SCAPER: variants seen among roughly 807,000 people sequenced by gnomAD.
SCAPER encodes the protein S-phase cyclin A associated protein in the ER.
In SCAPER, 98 loss-of-function variants were observed where a neutral mutation model predicts 182.2. The observed-to-expected ratio is 0.54, with a 90% CI of 0.46 to 0.64. The LOEUF is 0.64. SCAPER is among the 30% of genes least tolerant of loss of function. The pLI is 0.00. For missense variants in SCAPER, 1,432 were observed against 1,690.0 expected (o/e 0.85, Z 2.68); for synonymous variants, 605 against 564.6 (o/e 1.07, Z -1.01).
chr15:76,574,173 T>C lies in SCAPER; in HGVS notation c.2823A>G (p.Arg941=), dbSNP rs778893557. Residue 941 remains arginine (R), a synonymous_variant, in exon 23 of 32, where the codon AGA becomes AGG. Coordinates refer to ENST00000563290, the MANE Select transcript of SCAPER (RefSeq NM_020843.4). ...AGTTACACACCTCTTTTTCCAGTATTCTAGTGATCTCTCCTAGGGTCCGAT... is the reference window on the plus strand; with the variant it reads ...AGTTACACACCTCTTTTTCCAGTATCCTAGTGATCTCTCCTAGGGTCCGAT... The part of the protein sequence containing the change: ...ALDRTLGEIT[R]ILEKENVADQ... 6.2e-7 allele frequency: 1 copy of C among 1,605,544 alleles called. No homozygotes were observed. The highest frequency in any genetic ancestry group is 1.7e-5 in the Admixed American group (1 of 59,028).
chr15:76,565,362 C>A (rs960307858), intron 23 of SCAPER, among the ~76,000 whole-genome samples: 1 of 152,040 alleles, frequency 6.6e-6, no homozygotes, highest in Non-Finnish European at 1.5e-5. Flanking sequence ...ACAAAGTGGG[C>A]AAAGGGCAAG....
chr15:76,388,220 T>C (rs2043415357), intron 27 of SCAPER, among the ~76,000 whole-genome samples: 2 of 152,230 alleles, frequency 1.3e-5, no homozygotes, highest in South Asian at 4.1e-4. Context: ...AAAGGCTGTC[T>C]TCAAACTGAA....
intron 2 of SCAPER, among the ~76,000 whole-genome samples, chr15:76,871,572 CTT>C (rs1178328861): frequency 3.9e-4 from 48 of 123,098 alleles, no homozygotes; most frequent in Admixed American, 5.0e-4. Flanking sequence ...TTACAATTTG[CTT>C]TTTTTTTTTT....
Position 76,351,226 on chromosome 15 carries a change from T to C in SCAPER, c.4099+11A>G, listed in dbSNP as rs774471530. The C allele has an allele frequency of 3.7e-6, 6 of 1,604,994 alleles. No homozygotes were observed. Among genetic ancestry groups the C allele is most frequent in the Non-Finnish European group, 5.1e-6 (6 of 1,175,436 alleles). ...ACAAACACATGAAATTTAATTTCAATAGAGACATACCTTTGGGTTGGTAAG... is the reference window on the plus strand; with the variant it reads ...ACAAACACATGAAATTTAATTTCAACAGAGACATACCTTTGGGTTGGTAAG... On this transcript the variant is annotated intron_variant, in intron 31 of 31. Coordinates refer to ENST00000563290, the MANE Select transcript of SCAPER (RefSeq NM_020843.4).
Position 76,354,266 on chromosome 15 carries a change from T to C in SCAPER, c.3856-126A>G. 1.4e-6 allele frequency: 1 copy of C among 711,432 alleles called. No individual in the cohort carries two copies. Among genetic ancestry groups the C allele is most frequent in the Non-Finnish European group, 2.2e-6 (1 of 464,130 alleles). The allele number at this position is 711,432 out of a possible 1,614,324, so 44.1% of individuals were successfully genotyped here. On this transcript the variant is annotated intron_variant, in intron 29 of 31. Coordinates refer to ENST00000563290, the MANE Select transcript of SCAPER (RefSeq NM_020843.4). This position sits in a 1 kb window ranked among gnomAD's most constrained non-coding sequence, Gnocchi z 4.4. The stretch of plus-strand genomic sequence containing the variant: ...GAGTGTAAAGAAAAAGACTCCTGAC[T>C]CCGTACCAGAGCTTAATTTAAGTGA...
intron 23 of SCAPER, among the ~76,000 whole-genome samples, chr15:76,554,162 T>C (rs2046002198): frequency 6.6e-6 from 1 of 152,030 alleles, no homozygotes; most frequent in Non-Finnish European, 1.5e-5. Context: ...AGCTGAAAAA[T>C]ACACTACAAG....
chr15:76,864,644 C>T (rs907705001), intron 2 of SCAPER, among the ~76,000 whole-genome samples: 2 of 151,782 alleles, frequency 1.3e-5, no homozygotes, highest in Non-Finnish European at 2.9e-5. Flanking sequence ...CACTATAGTA[C>T]ACTCTAGAGC....
At chr15:76,683,239 C>A (rs1372939139) in intron 20 of SCAPER, among the ~76,000 whole-genome samples, 5 of 152,116 alleles carry the variant, frequency 3.3e-5, no homozygotes, top group African/African-American at 1.2e-4. Context: ...GAAAAACTCA[C>A]TTCGAGAATC....
intron 17 of SCAPER, among the ~76,000 whole-genome samples, chr15:76,714,712 T>A (rs2059793662): frequency 1.3e-5 from 2 of 152,158 alleles, no homozygotes; most frequent in Admixed American, 6.5e-5. Flanking sequence ...TTTGTTATAA[T>A]TCATAAAAAA....
intron 5 of SCAPER, among the ~76,000 whole-genome samples, chr15:76,833,255 G>A (rs142403987): frequency 6.6e-6 from 1 of 152,090 alleles, no homozygotes; most frequent in Non-Finnish European, 1.5e-5. Context: ...TTCCAACCAA[G>A]AATTTCATAT....
chr15:76,618,891 C>A (rs1282852222), intron 22 of SCAPER, among the ~76,000 whole-genome samples: 1 of 152,206 alleles, frequency 6.6e-6, no homozygotes, highest in African/African-American at 2.4e-5. Flanking sequence ...ATTGCCTGGG[C>A]TGCAGTATAG....
At chr15:76,824,090 G>A (rs932089982) in intron 5 of SCAPER, among the ~76,000 whole-genome samples, 4 of 152,068 alleles carry the variant, frequency 2.6e-5, no homozygotes, top group African/African-American at 9.7e-5. Flanking sequence ...CATGTTTTAC[G>A]AACAAGGGAA....
At chr15:76,557,880 A>C (rs1407093497) in intron 23 of SCAPER, among the ~76,000 whole-genome samples, 1 of 152,238 alleles carries the variant, frequency 6.6e-6, no homozygotes, top group Non-Finnish European at 1.5e-5. Context: ...GACAAAGTCA[A>C]CAATATCAAG....
intron 5 of SCAPER, among the ~76,000 whole-genome samples, chr15:76,815,314 T>C (rs1283131873): frequency 6.6e-6 from 1 of 152,218 alleles, no homozygotes; most frequent in Non-Finnish European, 1.5e-5. Context: ...CACTCCTATG[T>C]TTATTTGCAG....
chr15:76,482,238 T>C (rs2051204539), intron 24 of SCAPER, among the ~76,000 whole-genome samples: 1 of 152,240 alleles, frequency 6.6e-6, no homozygotes, highest in South Asian at 2.1e-4. Flanking sequence ...TTCATATATT[T>C]GATTGCCTAA....
chr15:76,368,419 T>C (rs2041944166), intron 29 of SCAPER, among the ~76,000 whole-genome samples: 1 of 152,240 alleles, frequency 6.6e-6, no homozygotes, highest in African/African-American at 2.4e-5. Context: ...AACAGATTCA[T>C]TTTCGGAATT....
chr15:76,676,524 A>C (rs987599493), intron 20 of SCAPER, among the ~76,000 whole-genome samples: 2 of 152,182 alleles, frequency 1.3e-5, no homozygotes, highest in Admixed American at 1.3e-4. Context: ...AAATAATTTT[A>C]TTTCTGAAAA....
chr15:76,806,338 C>T (rs907428288), intron 5 of SCAPER, among the ~76,000 whole-genome samples: 6 of 152,138 alleles, frequency 3.9e-5, no homozygotes, highest in Admixed American at 3.3e-4. Context: ...TGTCAAAAAT[C>T]AAATTCATAC....
intron 26 of SCAPER, among the ~76,000 whole-genome samples, chr15:76,405,584 A>G (rs919527420): frequency 2.0e-5 from 3 of 152,236 alleles, no homozygotes; most frequent in Non-Finnish European, 4.4e-5. Flanking sequence ...AGTACAAAAC[A>G]GTTTTCTAGA....
Sources: allele counts gnomAD v4.1 joint callset (sites outside exome capture counted in the v4.1 genomes callset), GRCh38; gene constraint gnomAD v4.1.1; non-coding constraint Gnocchi (gnomAD v3.1); transcripts MANE v1.5; gene names NCBI Gene and HGNC (gene_info 2026-07-23, HGNC 2026-07-21).